PKN2: variants seen among roughly 807,000 people sequenced by gnomAD.
PKN2 encodes the protein protein kinase N2, also known as serine/threonine-protein kinase N2.
A neutral mutation model predicts 119.1 loss-of-function variants in PKN2; 38 were observed. That is an observed-to-expected ratio of 0.32 (90% CI 0.25 to 0.42). PKN2 has a LOEUF of 0.42. Ranked by LOEUF, PKN2 falls within the 10% of genes least tolerant of loss-of-function variation. The pLI, the probability that PKN2 is intolerant of heterozygous loss-of-function variation, is 1.00. For missense variants in PKN2, 850 were observed against 1,165.1 expected (o/e 0.73, Z 3.94); for synonymous variants, 390 against 384.9 (o/e 1.01, Z -0.15).
intron 3 of PKN2, among the ~76,000 whole-genome samples, chr1:88,763,766 T>TACC (rs764852542): frequency 2.0e-5 from 3 of 152,204 alleles, no homozygotes; most frequent in Non-Finnish European, 2.9e-5. Context: ...ACAGTGAAGA[T>TACC]AAGAGTCATA....
At chr1:88,815,890 A>G (rs12090639) in intron 16 of PKN2, among the ~76,000 whole-genome samples, 3 of 152,228 alleles carry the variant, frequency 2.0e-5, no homozygotes, top group East Asian at 1.9e-4. Context: ...CTATAATCCC[A>G]GCACTTTGGG....
intron 1 of PKN2, among the ~76,000 whole-genome samples, chr1:88,714,346 G>T (rs1409958334): frequency 6.6e-6 from 1 of 152,138 alleles, no homozygotes; most frequent in Admixed American, 6.5e-5. Flanking sequence ...GATGTGGATG[G>T]CATTGAATCT....
intron 17 of PKN2, among the ~76,000 whole-genome samples, chr1:88,822,369 G>A (rs1672328631): frequency 6.6e-6 from 1 of 152,124 alleles, no homozygotes; most frequent in South Asian, 2.1e-4. Flanking sequence ...GCTTGTGTTA[G>A]AGTGTAAAAC....
intron 1 of PKN2, among the ~76,000 whole-genome samples, chr1:88,734,120 C>G (rs1211598558): frequency 6.6e-6 from 1 of 150,864 alleles, no homozygotes; most frequent in African/African-American, 2.4e-5. Context: ...GATTGTACCA[C>G]TGCACTCCAG....
chr1:88,717,351 G>T (rs1469558042), intron 1 of PKN2, among the ~76,000 whole-genome samples: 6 of 152,112 alleles, frequency 3.9e-5, no homozygotes, highest in Non-Finnish European at 1.5e-5. Flanking sequence ...TGCCTTGCTA[G>T]GTTGGGGAAG....
intron 15 of PKN2, among the ~76,000 whole-genome samples, chr1:88,811,807 A>G (rs1234740000): frequency 6.6e-6 from 1 of 152,226 alleles, no homozygotes; most frequent in Non-Finnish European, 1.5e-5. Context: ...TTAAATTTTC[A>G]TTCCACATCT....
At chr1:88,711,448 T>G (rs897972393) in intron 1 of PKN2, among the ~76,000 whole-genome samples, 6 of 152,196 alleles carry the variant, frequency 3.9e-5, no homozygotes, top group Middle Eastern at 3.2e-3. Flanking sequence ...TGGTACATGC[T>G]GTCAATTGGA....
intron 1 of PKN2, among the ~76,000 whole-genome samples, chr1:88,740,027 T>A (rs1401719881): frequency 2.0e-5 from 3 of 152,050 alleles, no homozygotes; most frequent in Non-Finnish European, 4.4e-5. Context: ...AAATAAAAAA[T>A]AATACAAATA....
chr1:88,684,605 G>C lies in PKN2; in HGVS notation c.25G>C (p.Glu9Gln), dbSNP rs1665994977. ...AATGGCGTCCAACCCCGAACGGGGGGAGATTCTGCTCACGGAACTGCAGGT... is the reference window on the plus strand; with the variant it reads ...AATGGCGTCCAACCCCGAACGGGGGCAGATTCTGCTCACGGAACTGCAGGT... MASNPERGEILLTELQGDS... is the reference protein window; with the variant it reads MASNPERGQILLTELQGDS... Residue 9 changes from glutamate to glutamine, a missense_variant, in exon 1 of 22, where the codon GAG becomes CAG. By Grantham distance (29) the Glu-to-Gln change is conservative. Transcript: ENST00000370521. 6 of 1,564,568 alleles carry C rather than the reference G, an allele frequency of 3.8e-6. No homozygotes were observed. Among genetic ancestry groups the C allele is most frequent in the Non-Finnish European group, 5.2e-6 (6 of 1,155,840 alleles).
At chr1:88,737,370 T>A (rs1463049033) in intron 1 of PKN2, among the ~76,000 whole-genome samples, 4 of 151,972 alleles carry the variant, frequency 2.6e-5, no homozygotes, top group Non-Finnish European at 5.9e-5. Flanking sequence ...GCCATCAGAT[T>A]TTGCCCAGTG....
rs1162192725 is a variant in PKN2 at position 88,824,349 on chromosome 1, C to T, written c.2382C>T (p.Gly794=). Residue 794 remains glycine, a synonymous_variant, in exon 18 of 22, where the codon GGC becomes GGT. Transcript: ENST00000370521. ...KLDNLLLDTE[G]FVKIADFGLC... ...ATAACTTATTGCTAGATACAGAGGG[C>T]TTTGTGAAAATTGCTGATTTTGGTC... 6.2e-7 allele frequency: 1 copy of T among 1,600,500 alleles called. No individual in the cohort carries two copies. The highest frequency in any genetic ancestry group is 8.6e-7 in the Non-Finnish European group (1 of 1,168,856).
intron 1 of PKN2, among the ~76,000 whole-genome samples, chr1:88,702,149 G>A (rs1428698434): frequency 6.6e-6 from 1 of 152,130 alleles, no homozygotes; most frequent in African/African-American, 2.4e-5. Flanking sequence ...AGTAGAGATA[G>A]GGTTTCACCA....
intron 1 of PKN2, among the ~76,000 whole-genome samples, chr1:88,736,513 A>C (rs748805783): frequency 6.6e-5 from 10 of 151,946 alleles, no homozygotes; most frequent in Non-Finnish European, 1.3e-4. Flanking sequence ...ACAGGCATGT[A>C]CTTCCACTCC....
chr1:88,775,622 A>G lies in PKN2; in HGVS notation c.985+3743A>G, dbSNP rs995128099. On this transcript the variant is annotated intron_variant, in intron 6 of 21. Transcript: ENST00000370521. ...AGTGATTACCCCAATGATTATAACT[A>G]ATGTCCTAAATTTATTATAATCTTA... Among the ~76,000 whole-genome samples the G allele has an allele frequency of 5.3e-5, 8 of 152,316 alleles. No homozygotes were observed. In the South Asian group the frequency reaches 1.2e-3, roughly 24 times the overall value.
rs1419462219 is a variant in PKN2 at position 88,833,859 on chromosome 1, G to A, written c.*411G>A. 1 of 158,248 alleles carries A rather than the reference G, an allele frequency of 6.3e-6. No individual in the cohort carries two copies. The highest frequency in any genetic ancestry group is 1.4e-5 in the Non-Finnish European group (1 of 72,342). The allele number at this position is 158,248 out of a possible 1,614,324, so 9.8% of individuals were successfully genotyped here. On this transcript the variant is annotated 3_prime_UTR_variant, in exon 22 of 22. Transcript: ENST00000370521. The stretch of plus-strand genomic sequence containing the variant: ...ATAAAAAGAAAAAAGGGCTTGGAAT[G>A]CTATTACTGTTCACACAAAGTATGA...
intron 1 of PKN2, among the ~76,000 whole-genome samples, chr1:88,689,066 A>G (rs992190410): frequency 2.0e-5 from 3 of 152,204 alleles, no homozygotes; most frequent in African/African-American, 4.8e-5. Context: ...TTGCAGTGAC[A>G]CTGGAAAGTG....
chr1:88,696,332 T>TTGTA (rs1666541596), intron 1 of PKN2, among the ~76,000 whole-genome samples: 1 of 152,166 alleles, frequency 6.6e-6, no homozygotes, highest in African/African-American at 2.4e-5. Context: ...AGCTATGGGG[T>TTGTA]TGTATCACTT....
At chr1:88,786,310 A>C in intron 8 of PKN2, 97 bp downstream of exon 8, 1 of 586,670 alleles carries the variant, frequency 1.7e-6, no homozygotes, top group East Asian at 3.0e-5. Flanking sequence ...ATTCTTAACA[A>C]GAATAAAAAT....
Position 88,770,442 on chromosome 1 carries a change from C to A in PKN2, c.595C>A (p.Gln199Lys). Residue 199 changes from glutamine to lysine, a missense_variant, in exon 4 of 22, where the codon CAG (glutamine) becomes AAG (lysine). Around this residue, in one of 9 missense-constraint regions of PKN2, gnomAD observed 350 missense variants for 511.1 expected, o/e 0.68. Coordinates refer to ENST00000370521, the MANE Select transcript of PKN2 (RefSeq NM_006256.4). ...VIRMQILQAV[Q>K]TNELAFDNAK... ...ACGAATGCAGATTCTTCAGGCAGTC[C>A]AGACTAATGAATTGGCTTTTGATAA... The A allele has an allele frequency of 6.2e-7, 1 of 1,605,942 alleles. No homozygotes were observed. The highest frequency in any genetic ancestry group is 8.5e-7 in the Non-Finnish European group (1 of 1,172,534).
Sources: allele counts gnomAD v4.1 joint callset (sites outside exome capture counted in the v4.1 genomes callset), GRCh38; gene constraint gnomAD v4.1.1; regional missense constraint gnomAD v4.1.1; transcripts MANE v1.5; gene names NCBI Gene and HGNC (gene_info 2026-07-23, HGNC 2026-07-21).